NCOA2: variants seen among roughly 807,000 people sequenced by gnomAD.
The protein encoded by NCOA2 is nuclear receptor coactivator 2.
Under a neutral mutation model 145.1 loss-of-function variants are expected in NCOA2, and 21 were observed. The ratio of observed to expected loss-of-function variants is 0.14; its 90% CI spans 0.10 to 0.21. The LOEUF (loss-of-function observed/expected upper bound fraction) is 0.21, where lower values mean the gene tolerates loss of function less well. Among genes scored for constraint, NCOA2 ranks in the 10% least tolerant of loss-of-function variants. NCOA2 has a pLI of 1.00. For synonymous variants in NCOA2, 619 were observed against 637.5 expected (o/e 0.97, Z 0.44); for missense variants, 1,472 against 1,837.6 (o/e 0.80, Z 3.64).
intron 11 of NCOA2, among the ~76,000 whole-genome samples, chr8:70,153,363 T>C (rs1585862220): frequency 6.6e-6 from 1 of 152,230 alleles, no homozygotes; most frequent in Non-Finnish European, 1.5e-5. Context: ...CAGAAAAACA[T>C]TTCTCCTAAA....
At chr8:70,454,559 C>A in the NCOA2 span, among the ~76,000 whole-genome samples, 789 of 152,298 alleles carry the variant, frequency 5.2e-3, 8 homozygotes, top group African/African-American at 0.018. Flanking sequence ...CACAAGCAGA[C>A]TCCAATTTTT....
At chr8:70,114,911 T>C (rs1466765191) in intron 22 of NCOA2, among the ~76,000 whole-genome samples, 1 of 152,190 alleles carries the variant, frequency 6.6e-6, no homozygotes. Flanking sequence ...CATTAGCCCC[T>C]GATCAGGTGC....
chr8:70,386,161 C>G (rs1033949245), intron 1 of NCOA2, among the ~76,000 whole-genome samples: 1 of 152,212 alleles, frequency 6.6e-6, no homozygotes, highest in Non-Finnish European at 1.5e-5. Context: ...CCCACTATAT[C>G]TATCAAAAGT....
chr8:70,273,647 C>G (rs1825241717), intron 2 of NCOA2: 1 of 719,166 alleles, frequency 1.4e-6, no homozygotes, highest in African/African-American at 1.7e-5. Flanking sequence ...TGAGACAAAG[C>G]AGCTGACAGA....
At position 70,121,362 on chromosome 8, in the gene NCOA2, G is replaced by A. The variant is rs183923172; in HGVS notation, c.4323C>T (p.Asn1441=). ...TTCCAGGCAGCTGGTTTGGGAACAG[G>A]TTGCCTCCCCTCAGAGCAGGATCAT... ...QVNDPALRGG[N]LFPNQLPGMD... The change falls in exon 22 of 23, where the codon AAC becomes AAT. Residue 1441 remains asparagine, a synonymous_variant. Coordinates refer to ENST00000452400, the MANE Select transcript of NCOA2 (RefSeq NM_006540.4). 1 of 1,612,726 alleles carries A rather than the reference G, an allele frequency of 6.2e-7. No homozygotes were observed. Among genetic ancestry groups the A allele is most frequent in the Admixed American group, 1.7e-5 (1 of 59,892 alleles).
intron 9 of NCOA2, 30 bp from the exon 10 acceptor site, chr8:70,159,682 G>T: frequency 6.3e-7 from 1 of 1,580,368 alleles, no homozygotes; most frequent in Non-Finnish European, 8.6e-7. Context: ...CAGAAGGCAC[G>T]TTTAGAAAAA....
At chr8:70,423,887 G>A in the NCOA2 span, among the ~76,000 whole-genome samples, 1 of 152,108 alleles carries the variant, frequency 6.6e-6, no homozygotes, top group Non-Finnish European at 1.5e-5. Context: ...GACACTCTCC[G>A]CCAATCCAGT....
chr8:70,266,552 T>G (rs750024974), intron 2 of NCOA2, among the ~76,000 whole-genome samples: 99 of 152,330 alleles, frequency 6.5e-4, no homozygotes, highest in East Asian at 1.9e-4. Flanking sequence ...TTCAAAGCCC[T>G]GCATGGGCTT....
At chr8:70,358,243 T>C (rs181920886) in intron 1 of NCOA2, among the ~76,000 whole-genome samples, 13 of 152,274 alleles carry the variant, frequency 8.5e-5, no homozygotes, top group East Asian at 3.9e-4. Flanking sequence ...GCCTTTTTAA[T>C]AGAAATGAGA....
At position 70,132,536 on chromosome 8, in the gene NCOA2, T is replaced by C. The variant is rs960193440; in HGVS notation, c.3159-534A>G. On this transcript the variant is annotated intron_variant, in intron 15 of 22. Transcript: ENST00000452400. ...TAAATTTGGCTGGGTTGATAGGAAA[T>C]TTCTTAGTCATGCACAAGCAGGCCT... 2.6e-5 allele frequency among the ~76,000 whole-genome samples: 4 copies of C among 152,148 alleles called. No homozygotes were observed. In the South Asian group the frequency reaches 8.3e-4, roughly 32 times the overall value.
intron 15 of NCOA2, among the ~76,000 whole-genome samples, chr8:70,136,873 G>C (rs1423977588): frequency 6.6e-6 from 1 of 152,170 alleles, no homozygotes; most frequent in Non-Finnish European, 1.5e-5. Flanking sequence ...CTTCCACACT[G>C]AATTATTTAA....
chr8:70,401,536 C>A (rs1264346775), intron 1 of NCOA2, among the ~76,000 whole-genome samples: 1 of 151,972 alleles, frequency 6.6e-6, no homozygotes, highest in African/African-American at 2.4e-5. Flanking sequence ...AAAATGCATA[C>A]CATAAACCAC....
intron 15 of NCOA2, among the ~76,000 whole-genome samples, chr8:70,134,476 T>A (rs1005881005): frequency 6.6e-6 from 1 of 152,226 alleles, no homozygotes; most frequent in African/African-American, 2.4e-5. Flanking sequence ...CATTTTCAAC[T>A]TGTTTCTTTG....
chr8:70,267,547 G>A (rs955006503), intron 2 of NCOA2, among the ~76,000 whole-genome samples: 2 of 151,902 alleles, frequency 1.3e-5, no homozygotes, highest in African/African-American at 2.4e-5. Context: ...ACTGGCATAC[G>A]TCACCATGCC....
Position 70,391,894 on chromosome 8 carries a change from C to CTG in NCOA2, c.-77+11804_-77+11805dup, listed in dbSNP as rs1262234665. 5.9e-5 allele frequency among the ~76,000 whole-genome samples: 9 copies of CTG among 152,262 alleles called. No homozygotes were observed. In the East Asian group the frequency reaches 1.3e-3, roughly 23 times the overall value. ...AGTTCTCTTAGGTTTAATAATGGTA[C>CTG]TGTGTGTGTGGTTACCTAAGATAAT... On this transcript the variant is annotated intron_variant, in intron 1 of 22. Transcript: ENST00000452400.
chr8:70,133,884 C>T (rs900005009), intron 15 of NCOA2, among the ~76,000 whole-genome samples: 2 of 152,324 alleles, frequency 1.3e-5, no homozygotes, highest in Middle Eastern at 3.4e-3. Context: ...TTAATAACAA[C>T]CTATTCTCTC....
At chr8:70,306,879 TTAAAAA>T (rs1827936725) in intron 1 of NCOA2, among the ~76,000 whole-genome samples, 1 of 152,118 alleles carries the variant, frequency 6.6e-6, no homozygotes, top group Admixed American at 6.5e-5. Context: ...ACCATGTCTC[TTAAAAA>T]TCCATTTTAC....
chr8:70,121,448 T>C, intron 21 of NCOA2, 57 bp from the exon 22 acceptor site: 1 of 1,404,350 alleles, frequency 7.1e-7, no homozygotes, highest in Non-Finnish European at 1.0e-6. Context: ...AAGAGTGCAC[T>C]GGAAAACAAG....
At chr8:70,334,001 T>G (rs1807334685) in intron 1 of NCOA2, among the ~76,000 whole-genome samples, 1 of 152,206 alleles carries the variant, frequency 6.6e-6, no homozygotes, top group Admixed American at 6.5e-5. Context: ...CTTCATGCTT[T>G]TCACTCTTCA....
Sources: allele counts gnomAD v4.1 joint callset (sites outside exome capture counted in the v4.1 genomes callset), GRCh38; gene constraint gnomAD v4.1.1; transcripts MANE v1.5; gene names NCBI Gene and HGNC (gene_info 2026-07-23, HGNC 2026-07-21).